The following TMEM132C variants were observed in gnomAD, a reference collection of about 807,000 sequenced individuals.
TMEM132C encodes the protein protein phosphatase 1, regulatory subunit 152.
In TMEM132C, 29 loss-of-function variants were observed where a neutral mutation model predicts 61.4. The observed-to-expected ratio is 0.47, with a 90% CI of 0.35 to 0.64. The LOEUF (loss-of-function observed/expected upper bound fraction) is 0.64, where lower values mean the gene tolerates loss of function less well. TMEM132C is among the 30% of genes least tolerant of loss of function. TMEM132C has a pLI of 0.00. For synonymous variants in TMEM132C, 656 were observed against 633.1 expected, an observed-to-expected ratio of 1.04 and a Z score of -0.54; for missense variants, 1,408 against 1,476.9, an observed-to-expected ratio of 0.95 and a Z score of 0.76.
At chr12:128,478,933 T>G (rs1049277110) in intron 2 of TMEM132C, among the ~76,000 whole-genome samples, 1 of 152,168 alleles carries the variant, frequency 6.6e-6, no homozygotes, top group Non-Finnish European at 1.5e-5. Flanking sequence ...AATAAAAAGT[T>G]AAGAAGAGAG....
intron 2 of TMEM132C, among the ~76,000 whole-genome samples, chr12:128,505,329 A>G (rs1471447572): frequency 6.6e-6 from 1 of 152,166 alleles, no homozygotes; most frequent in Admixed American, 6.5e-5. Context: ...CCATGCTCCT[A>G]CATCCCTCTG....
intron 1 of TMEM132C, among the ~76,000 whole-genome samples, chr12:128,411,503 T>C (rs1253139857): frequency 1.3e-5 from 2 of 152,254 alleles, no homozygotes; most frequent in Non-Finnish European, 2.9e-5. Flanking sequence ...TTATCTTCAG[T>C]GTGTTCAGTG....
intron 4 of TMEM132C, among the ~76,000 whole-genome samples, chr12:128,651,139 C>G (rs775100444): frequency 6.6e-6 from 1 of 152,214 alleles, no homozygotes; most frequent in Non-Finnish European, 1.5e-5. Flanking sequence ...TTTCTACCCA[C>G]TTCACAGTTT....
chr12:128,513,867 C>T (rs1872642374), intron 2 of TMEM132C, among the ~76,000 whole-genome samples: 1 of 152,188 alleles, frequency 6.6e-6, no homozygotes, highest in Non-Finnish European at 1.5e-5. Context: ...CTCCTTGCAG[C>T]TGACCAAAAA....
intron 1 of TMEM132C, among the ~76,000 whole-genome samples, chr12:128,392,337 C>T (rs1282246552): frequency 1.3e-5 from 2 of 152,242 alleles, no homozygotes; most frequent in African/African-American, 4.8e-5. Context: ...GCATATTCCT[C>T]CTTCTCAACT....
chr12:128,412,243 A>G (rs1474578752), intron 1 of TMEM132C, among the ~76,000 whole-genome samples: 1 of 152,210 alleles, frequency 6.6e-6, no homozygotes, highest in Non-Finnish European at 1.5e-5. Flanking sequence ...GTCAAACATT[A>G]ACATGATTCC....
intron 1 of TMEM132C, among the ~76,000 whole-genome samples, chr12:128,358,263 TTC>T (rs1196017193): frequency 6.6e-6 from 1 of 152,138 alleles, no homozygotes; most frequent in Non-Finnish European, 1.5e-5. Context: ...GAAAGAAAGA[TTC>T]CTACATATGC....
intron 1 of TMEM132C, among the ~76,000 whole-genome samples, chr12:128,325,863 G>A (rs933636920): frequency 1.3e-5 from 2 of 152,068 alleles, no homozygotes; most frequent in East Asian, 1.9e-4. Context: ...TGAGGTCATC[G>A]CAGTGCGGTT....
intron 4 of TMEM132C, among the ~76,000 whole-genome samples, chr12:128,624,747 G>T (rs1012304666): frequency 5.3e-5 from 8 of 152,006 alleles, no homozygotes; most frequent in Admixed American, 4.6e-4. Flanking sequence ...ATTATTTGTG[G>T]GTATTCAAAC....
At position 128,576,509 on chromosome 12, in the gene TMEM132C, G is replaced by A. The variant is rs369249349; in HGVS notation, c.1121+32406G>A. Among the ~76,000 whole-genome samples, 4 of 152,212 alleles carry A rather than the reference G, an allele frequency of 2.6e-5. No homozygotes were observed. In the South Asian group the frequency reaches 8.3e-4, roughly 32 times the overall value. On this transcript the variant is annotated intron_variant, in intron 3 of 8. Coordinates refer to ENST00000435159, the MANE Select transcript of TMEM132C (RefSeq NM_001136103.3). ...CTTTTGAGTTAATCTTCCTTGGCAT[G>A]AGACTTTCCCTTGGATCAGTAACTA... is the stretch of plus-strand genomic sequence containing the variant.
At chr12:128,542,978 G>A (rs182063638) in intron 2 of TMEM132C, among the ~76,000 whole-genome samples, 5 of 152,244 alleles carry the variant, frequency 3.3e-5, no homozygotes, top group Admixed American at 3.3e-4. Flanking sequence ...TCCTGTGAGT[G>A]GGATGAAGGA....
At chr12:128,565,138 C>G (rs929015016) in intron 3 of TMEM132C, among the ~76,000 whole-genome samples, 1 of 152,306 alleles carries the variant, frequency 6.6e-6, no homozygotes, top group East Asian at 1.9e-4. Context: ...TGGCAGAGCC[C>G]GCCTGGCAGA....
intron 1 of TMEM132C, among the ~76,000 whole-genome samples, chr12:128,365,757 G>A (rs762692784): frequency 1.3e-5 from 2 of 152,168 alleles, no homozygotes; most frequent in Non-Finnish European, 2.9e-5. Context: ...TCCGAATAGT[G>A]TCTGAGTTTC....
At chr12:128,271,272 TAATAATAATAATA>T (rs1870508189) in intron 1 of TMEM132C, among the ~76,000 whole-genome samples, 3 of 31,952 alleles carry the variant, frequency 9.4e-5, no homozygotes, top group Admixed American at 9.3e-4. Context: ...AATAATATAA[TAATAATAATAATA>T]ATAATAATAA....
chr12:128,522,056 A>G (rs1391463633), intron 2 of TMEM132C, among the ~76,000 whole-genome samples: 1 of 152,084 alleles, frequency 6.6e-6, no homozygotes, highest in East Asian at 1.9e-4. Context: ...TACCGTAAGG[A>G]CTGTATTTTC....
At chr12:128,402,378 T>C (rs891244603) in intron 1 of TMEM132C, among the ~76,000 whole-genome samples, 3 of 152,270 alleles carry the variant, frequency 2.0e-5, no homozygotes, top group African/African-American at 7.2e-5. Flanking sequence ...TAACTTTTCC[T>C]GATCCTCTCC....
At chr12:128,654,145 C>T (rs1384893146) in intron 4 of TMEM132C, among the ~76,000 whole-genome samples, 1 of 152,200 alleles carries the variant, frequency 6.6e-6, no homozygotes. Flanking sequence ...ATCTGACCTT[C>T]TTTGGAAATA....
At chr12:128,531,071 A>G (rs1873277931) in intron 2 of TMEM132C, among the ~76,000 whole-genome samples, 1 of 151,580 alleles carries the variant, frequency 6.6e-6, no homozygotes, top group Admixed American at 6.6e-5. Flanking sequence ...CTTGGGAGCA[A>G]ACTTACAGAA....
chr12:128,442,836 A>G (rs1028838651), intron 2 of TMEM132C, among the ~76,000 whole-genome samples: 1 of 152,194 alleles, frequency 6.6e-6, no homozygotes, highest in Non-Finnish European at 1.5e-5. Context: ...GAACATTTTC[A>G]TCACCCCAAA....
Sources: allele counts gnomAD v4.1 joint callset (sites outside exome capture counted in the v4.1 genomes callset), GRCh38; gene constraint gnomAD v4.1.1; transcripts MANE v1.5; gene names NCBI Gene and HGNC (gene_info 2026-07-23, HGNC 2026-07-21).